Variants in SNX13 observed in about 807,000 individuals in gnomAD.
SNX13 encodes sorting nexin-13.
In SNX13, 45 loss-of-function variants were observed where a neutral mutation model predicts 133.6. That is an observed-to-expected ratio of 0.34 (90% CI 0.27 to 0.43). The LOEUF (loss-of-function observed/expected upper bound fraction) is 0.43, where lower values mean the gene tolerates loss of function less well. Among genes scored for constraint, SNX13 ranks in the 20% least tolerant of loss-of-function variants. The pLI is 1.00. For missense variants in SNX13, 1,032 were observed against 1,145.1 expected, an observed-to-expected ratio of 0.90 and a Z score of 1.43; for synonymous variants, 414 against 373.9, an observed-to-expected ratio of 1.11 and a Z score of -1.24.
intron 24 of SNX13, among the ~76,000 whole-genome samples, chr7:17,798,313 A>G (rs1472349945): frequency 6.6e-6 from 1 of 151,904 alleles, no homozygotes; most frequent in Non-Finnish European, 1.5e-5. Context: ...ACTTACTTAA[A>G]ACAATTTCAT....
chr7:17,928,038 T>C (rs555826059), intron 1 of SNX13, among the ~76,000 whole-genome samples: 10 of 152,296 alleles, frequency 6.6e-5, no homozygotes, highest in Middle Eastern at 6.8e-3. Flanking sequence ...ATTTACAAGT[T>C]TTGACTTCTG....
intron 16 of SNX13, among the ~76,000 whole-genome samples, chr7:17,827,925 T>A (rs1788086938): frequency 6.6e-6 from 1 of 151,908 alleles, no homozygotes; most frequent in Non-Finnish European, 1.5e-5. Flanking sequence ...TAACTTCTTC[T>A]AATTATAAGC....
At chr7:17,820,040 G>T (rs954225408) in intron 18 of SNX13, among the ~76,000 whole-genome samples, 1 of 152,102 alleles carries the variant, frequency 6.6e-6, no homozygotes, top group African/African-American at 2.4e-5. Flanking sequence ...GGAAATTTCT[G>T]TATGAACTGT....
chr7:17,892,374 TTAC>T (rs991198871), intron 3 of SNX13, among the ~76,000 whole-genome samples: 3 of 152,004 alleles, frequency 2.0e-5, no homozygotes, highest in African/African-American at 7.2e-5. Flanking sequence ...ATATAATTTA[TTAC>T]TGTTAAGGAT....
intron 5 of SNX13, among the ~76,000 whole-genome samples, chr7:17,879,010 A>T (rs1795047505): frequency 6.6e-6 from 1 of 152,030 alleles, no homozygotes; most frequent in African/African-American, 2.4e-5. Flanking sequence ...TCAATTCCAC[A>T]TGCCAACCTT....
rs115008840 is a variant in SNX13, at chr7:17,869,688, T to C, written c.754-1198A>G. On this transcript the variant is annotated intron_variant, in intron 8 of 25. Coordinates refer to ENST00000428135, the MANE Select transcript of SNX13 (RefSeq NM_015132.5). ...ACTAATGGAGGCACCAGTAATTTTT[T>C]TGAAATGTCTTTGGAGACACTTTGC... Among the ~76,000 whole-genome samples the C allele has an allele frequency of 4.4e-3, 677 of 152,286 alleles. 11 individuals carry two copies. The highest frequency in any genetic ancestry group is 0.015 in the African/African-American group (641 of 41,560).
In SNX13 at chr7:17,896,688, A is replaced by T. The variant is rs530767970; in HGVS notation, c.125+646T>A. 2.6e-5 allele frequency among the ~76,000 whole-genome samples: 4 copies of T among 152,288 alleles called. No homozygotes were observed. In the South Asian group the frequency reaches 8.3e-4, roughly 32 times the overall value. On this transcript the variant is annotated intron_variant, in intron 2 of 25. Transcript: ENST00000428135. ...ATTTCAACTAAGCTATTTTGGTAAC[A>T]GTGTCTAACAAACATCCCTTGTCTA...
intron 20 of SNX13, among the ~76,000 whole-genome samples, chr7:17,805,391 A>G (rs1402703819): frequency 6.6e-6 from 1 of 152,206 alleles, no homozygotes; most frequent in East Asian, 1.9e-4. Flanking sequence ...GTAATAACAT[A>G]TAAATAAGCT....
At chr7:17,895,581 T>G (rs1405433656) in intron 2 of SNX13, among the ~76,000 whole-genome samples, 3 of 152,136 alleles carry the variant, frequency 2.0e-5, no homozygotes, top group Admixed American at 6.5e-5. Flanking sequence ...TTAGTACCCA[T>G]TATCCTCTAG....
intron 1 of SNX13, among the ~76,000 whole-genome samples, chr7:17,927,244 T>C (rs1324493174): frequency 6.7e-6 from 1 of 150,208 alleles, no homozygotes; most frequent in Non-Finnish European, 1.5e-5. Context: ...TATATATATA[T>C]GTATATATAT....
At chr7:17,796,505 C>G in intron 25 of SNX13, 1 of 210,510 alleles carries the variant, frequency 4.8e-6, no homozygotes, top group Non-Finnish European at 9.6e-6. Context: ...TGGCTAAAAG[C>G]ATAAGCTTTC....
intron 23 of SNX13, 45 bp from the exon 24 acceptor site, chr7:17,798,803 G>C (rs1435999412): frequency 1.4e-6 from 2 of 1,420,462 alleles, no homozygotes; most frequent in African/African-American, 2.9e-5. Flanking sequence ...AATTTTAGAA[G>C]GTGAAAAAAA....
intron 5 of SNX13, among the ~76,000 whole-genome samples, chr7:17,887,000 G>A (rs997095174): frequency 8.6e-5 from 13 of 151,218 alleles, no homozygotes; most frequent in African/African-American, 3.2e-4. Flanking sequence ...GCTAAGACAG[G>A]GTCAAAGAAT....
intron 16 of SNX13, 44 bp from the exon 17 acceptor site, chr7:17,826,135 G>A (rs1460696311): frequency 1.6e-6 from 2 of 1,275,084 alleles, no homozygotes; most frequent in Non-Finnish European, 2.2e-6. Context: ...AATTTTATAG[G>A]GAAAAAAAAG....
intron 11 of SNX13, among the ~76,000 whole-genome samples, chr7:17,847,755 A>C (rs893535395): frequency 2.0e-4 from 31 of 152,172 alleles, no homozygotes; most frequent in African/African-American, 7.2e-4. Flanking sequence ...AACTCCAATT[A>C]AGATTTTTCT....
At chr7:17,799,228 C>A in intron 22 of SNX13, 74 bp from the exon 23 acceptor site, 1 of 1,241,750 alleles carries the variant, frequency 8.1e-7, no homozygotes, top group Non-Finnish European at 1.1e-6. Context: ...GTTGCTTTTA[C>A]GAAATGATTG....
intron 24 of SNX13, among the ~76,000 whole-genome samples, chr7:17,797,533 A>T (rs923685261): frequency 1.3e-5 from 2 of 151,808 alleles, no homozygotes; most frequent in Admixed American, 6.6e-5. Flanking sequence ...CTAAGCTTTC[A>T]TCTGGGAATT....
At chr7:17,852,825 A>G (rs1791397243) in intron 9 of SNX13, among the ~76,000 whole-genome samples, 1 of 152,248 alleles carries the variant, frequency 6.6e-6, no homozygotes, top group African/African-American at 2.4e-5. Context: ...CAATGCTCAC[A>G]TAAAGGACTT....
At chr7:17,805,215 G>GTGTGTGTGTGTGTGTGTGTGTC (rs1785066104) in intron 20 of SNX13, among the ~76,000 whole-genome samples, 4 of 92,050 alleles carry the variant, frequency 4.3e-5, no homozygotes, top group African/African-American at 7.5e-5. Flanking sequence ...GATTCTTTGT[G>GTGTGTGTGTGTGTGTGTGTGTC]TGTGTGTGTG....
Sources: gnomAD v4.1 joint callset for allele counts (sites outside exome capture counted in the v4.1 genomes callset) on GRCh38, gnomAD v4.1.1 for gene constraint, MANE v1.5 for transcripts, NCBI Gene and HGNC (gene_info 2026-07-23, HGNC 2026-07-21) for gene names.